Variants in GRIN3A observed in about 807,000 individuals in gnomAD.
The protein encoded by GRIN3A is glutamate receptor ionotropic, NMDA 3A.
A neutral mutation model predicts 92.4 loss-of-function variants in GRIN3A; 47 were observed. That is an observed-to-expected ratio of 0.51 (90% CI 0.40 to 0.65). The LOEUF (loss-of-function observed/expected upper bound fraction) is 0.65. Among genes scored for constraint, GRIN3A ranks in the 30% least tolerant of loss-of-function variants. The pLI is 0.00. For synonymous variants in GRIN3A, 527 were observed against 540.6 expected, an observed-to-expected ratio of 0.97 and a Z score of 0.35; for missense variants, 1,324 against 1,393.1, an observed-to-expected ratio of 0.95 and a Z score of 0.79.
At chr9:101,623,491 G>C (rs973553912) in intron 4 of GRIN3A, 58 bp from the exon 5 acceptor site, 2 of 1,220,056 alleles carry the variant, frequency 1.6e-6, no homozygotes, top group African/African-American at 3.0e-5. Context: ...AAGGAAGCAT[G>C]AAGGCTGACA....
At position 101,579,197 on chromosome 9, in the gene GRIN3A, T is replaced by C; in HGVS notation, c.2930A>G (p.Gln977Arg). The change falls in exon 7 of 9, where the codon CAG becomes CGG. Residue 977 changes from glutamine to arginine, a missense_variant and splice_region_variant. Transcript: ENST00000361820. The stretch of plus-strand genomic sequence containing the variant: ...GAGCAAGACACCTGTGGCACTCACC[T>C]GGCTGGTGTGGAGCCAGTATTGCAG... ...SKLQYWLHTS[Q>R]RLHRAINTSF... The C allele has an allele frequency of 1.2e-6, 2 of 1,613,844 alleles. No individual in the cohort carries two copies. Among genetic ancestry groups the C allele is most frequent in the African/African-American group, 1.3e-5 (1 of 75,036 alleles).
chr9:101,659,396 GTATT>G lies in GRIN3A; in HGVS notation c.2352+10660_2352+10663del, dbSNP rs551577968. On this transcript the variant is annotated intron_variant, in intron 3 of 8. Transcript: ENST00000361820. ...TTATTTATACATAGAAAGTATCTAT[GTATT>G]TATTTATACATAGAAAGTATCTATG... Among the ~76,000 whole-genome samples, 1,363 of 146,746 alleles carry G rather than the reference GTATT, an allele frequency of 9.3e-3. 33 individuals carry two copies. The highest frequency in any genetic ancestry group is 0.032 in the African/African-American group (1,289 of 40,036).
chr9:101,662,234 A>G (rs1829180376), intron 3 of GRIN3A, among the ~76,000 whole-genome samples: 1 of 151,810 alleles, frequency 6.6e-6, no homozygotes. Context: ...ACTCCTCTCT[A>G]TAAGTTAGCT....
At chr9:101,616,587 CTT>C (rs989943624) in intron 5 of GRIN3A, among the ~76,000 whole-genome samples, 5 of 151,870 alleles carry the variant, frequency 3.3e-5, no homozygotes, top group Non-Finnish European at 4.4e-5. Flanking sequence ...TATTTCATCT[CTT>C]TTATTGGTTA....
At chr9:101,613,676 C>A (rs757087977) in intron 5 of GRIN3A, 149 bp from the exon 6 acceptor site, 20 of 747,772 alleles carry the variant, frequency 2.7e-5, no homozygotes, top group Non-Finnish European at 4.3e-5. Context: ...CAAAGACATT[C>A]CTAGTCATGA....
intron 6 of GRIN3A, among the ~76,000 whole-genome samples, 157 bp from the exon 7 acceptor site, chr9:101,579,517 A>G (rs1329898593): frequency 6.6e-6 from 1 of 152,170 alleles, no homozygotes; most frequent in Admixed American, 6.6e-5. Context: ...TTCATTATAC[A>G]TCATGAAAGA....
At chr9:101,656,465 C>T (rs1829089605) in intron 3 of GRIN3A, among the ~76,000 whole-genome samples, 1 of 115,098 alleles carries the variant, frequency 8.7e-6, no homozygotes, top group Admixed American at 1.0e-4. Flanking sequence ...CCTAGAATGT[C>T]ACAGATTCAA....
At chr9:101,736,058 C>T (rs1237638726) in intron 1 of GRIN3A, among the ~76,000 whole-genome samples, 1 of 152,114 alleles carries the variant, frequency 6.6e-6, no homozygotes, top group African/African-American at 2.4e-5. Context: ...TGTACATTGC[C>T]CTTACTCATT....
chr9:101,579,196 C>A lies in GRIN3A; in HGVS notation c.2931G>T (p.Gln977His). 6.2e-7 allele frequency: 1 copy of A among 1,613,824 alleles called. No homozygotes were observed. The highest frequency in any genetic ancestry group is 8.5e-7 in the Non-Finnish European group (1 of 1,179,858). The change falls in exon 7 of 9, where the codon CAG becomes CAT. Residue 977 changes from glutamine to histidine, a missense_variant and splice_region_variant. Coordinates refer to ENST00000361820, the MANE Select transcript of GRIN3A (RefSeq NM_133445.3). The part of the protein sequence containing the change: ...SKLQYWLHTS[Q>H]RLHRAINTSF... ...GGAGCAAGACACCTGTGGCACTCAC[C>A]TGGCTGGTGTGGAGCCAGTATTGCA...
intron 3 of GRIN3A, among the ~76,000 whole-genome samples, chr9:101,638,529 T>C (rs908788639): frequency 2.0e-5 from 3 of 152,226 alleles, no homozygotes; most frequent in African/African-American, 4.8e-5. Context: ...TTCTCCCTTA[T>C]GTGTAAGACA....
chr9:101,591,991 T>C (rs1828032996), intron 6 of GRIN3A: 1 of 152,250 alleles, frequency 6.6e-6, no homozygotes, highest in Non-Finnish European at 1.5e-5. Context: ...TTGCAGGGTG[T>C]ATAAATAATG....
intron 2 of GRIN3A, among the ~76,000 whole-genome samples, chr9:101,673,937 G>C (rs1464114342): frequency 2.0e-5 from 3 of 152,072 alleles, no homozygotes; most frequent in Non-Finnish European, 1.5e-5. Flanking sequence ...CTGGAACAGA[G>C]AGCAAGAGCA....
chr9:101,614,634 T>G (rs866647885), intron 5 of GRIN3A, among the ~76,000 whole-genome samples: 1 of 145,164 alleles, frequency 6.9e-6, no homozygotes. Flanking sequence ...TTTTTTTTTT[T>G]TTGGAGACAG....
chr9:101,583,369 T>C (rs918659165), intron 6 of GRIN3A, among the ~76,000 whole-genome samples: 1 of 152,186 alleles, frequency 6.6e-6, no homozygotes, highest in African/African-American at 2.4e-5. Flanking sequence ...ATGTTTCAAT[T>C]GTGTCTGAGT....
chr9:101,718,129 A>G (rs1306950755), intron 1 of GRIN3A, among the ~76,000 whole-genome samples: 2 of 152,228 alleles, frequency 1.3e-5, no homozygotes, highest in Non-Finnish European at 2.9e-5. Context: ...TGGACCATTA[A>G]TTCAGTTTAA....
At chr9:101,645,454 AG>A (rs1400012713) in intron 3 of GRIN3A, among the ~76,000 whole-genome samples, 1 of 126,646 alleles carries the variant, frequency 7.9e-6, no homozygotes, top group Admixed American at 7.6e-5. Context: ...AGAAACATGC[AG>A]ATGCAGATAC....
rs186869059 is a variant in GRIN3A at position 101,696,381 on chromosome 9, T to G, written c.700-9181A>C. ...AGGGATGAAAGAGGCATTTCTGCAG[T>G]AGGATGTTAAAGCTAGATATAATTT... On this transcript the variant is annotated intron_variant, in intron 1 of 8. Transcript: ENST00000361820. 2.6e-5 allele frequency among the ~76,000 whole-genome samples: 4 copies of G among 152,332 alleles called. No homozygotes were observed. In the East Asian group the frequency reaches 7.7e-4, roughly 29 times the overall value.
At chr9:101,699,066 AAC>A (rs1829721810) in intron 1 of GRIN3A, among the ~76,000 whole-genome samples, 2 of 152,252 alleles carry the variant, frequency 1.3e-5, no homozygotes, top group African/African-American at 4.8e-5. Flanking sequence ...CTCTTGAAAT[AAC>A]ACAGTATAAA....
Position 101,738,140 on chromosome 9 carries a change from A to C in GRIN3A, c.-161T>G. 1.4e-6 allele frequency: 1 copy of C among 708,074 alleles called. No individual in the cohort carries two copies. The highest frequency in any genetic ancestry group is 1.6e-5 in the South Asian group (1 of 64,178). The allele number at this position is 708,074 out of a possible 1,614,324, so 43.9% of individuals were successfully genotyped here. ...GCGGTCTCTAGGCCATGCAAGTTGG[A>C]GCGTAGCGCGCCTCCGGCAGTCTCA... On this transcript the variant is annotated 5_prime_UTR_variant, in exon 1 of 9. Transcript: ENST00000361820.
Sources: gnomAD v4.1 joint callset for allele counts (sites outside exome capture counted in the v4.1 genomes callset) on GRCh38, gnomAD v4.1.1 for gene constraint, MANE v1.5 for transcripts, NCBI Gene and HGNC (gene_info 2026-07-23, HGNC 2026-07-21) for gene names.